SPIDR: variants seen among roughly 807,000 people sequenced by gnomAD.
SPIDR encodes the protein scaffold protein involved in DNA repair, also known as DNA repair-scaffolding protein.
A neutral mutation model predicts 104.6 loss-of-function variants in SPIDR; 93 were observed. The ratio of observed to expected loss-of-function variants is 0.89; its 90% CI spans 0.75 to 1.06. The LOEUF (loss-of-function observed/expected upper bound fraction) is 1.06, where lower values mean the gene tolerates loss of function less well. SPIDR is among the 50% of genes least tolerant of loss of function. The pLI is 0.00. For synonymous variants in SPIDR, 431 were observed against 416.9 expected (o/e 1.03, Z -0.41); for missense variants, 1,154 against 1,111.2 (o/e 1.04, Z -0.55).
At chr8:47,647,655 GGAGA>G (rs1463721076) in intron 10 of SPIDR, among the ~76,000 whole-genome samples, 5 of 50,164 alleles carry the variant, frequency 1.0e-4, no homozygotes, top group African/African-American at 3.0e-4. Flanking sequence ...AGAGAGAGAG[GGAGA>G]GAGAGAGAGG....
At chr8:47,303,498 C>G (rs2042590783) in intron 5 of SPIDR, among the ~76,000 whole-genome samples, 2 of 152,156 alleles carry the variant, frequency 1.3e-5, no homozygotes, top group African/African-American at 4.8e-5. Flanking sequence ...CCCAATACCT[C>G]AGTTGGAAAT....
Position 47,550,720 on chromosome 8 carries a change from A to G in SPIDR, c.1098-45091A>G, listed in dbSNP as rs184460542. On this transcript the variant is annotated intron_variant, in intron 8 of 19. Transcript: ENST00000297423. Reference sequence around the variant, plus strand: ...ACAATCATGGCATCTGCAAACAGGAACAATTTGACTTCCTCATTTCCTAAT... The same window carrying G: ...ACAATCATGGCATCTGCAAACAGGAGCAATTTGACTTCCTCATTTCCTAAT... Among the ~76,000 whole-genome samples the G allele has an allele frequency of 1.8e-3, 274 of 152,334 alleles. 2 individuals are homozygous for G. The highest frequency in any genetic ancestry group is 6.0e-3 in the African/African-American group (249 of 41,590).
chr8:47,401,334 A>G (rs1385565661), intron 6 of SPIDR, among the ~76,000 whole-genome samples: 1 of 152,226 alleles, frequency 6.6e-6, no homozygotes, highest in African/African-American at 2.4e-5. Flanking sequence ...TGAAGAAAGC[A>G]CTAAACATGG....
chr8:47,371,089 A>C (rs558796754), intron 5 of SPIDR, among the ~76,000 whole-genome samples: 1 of 150,440 alleles, frequency 6.6e-6, no homozygotes, highest in Non-Finnish European at 1.5e-5. Flanking sequence ...CAGCAGTGGG[A>C]CTGTTGATCA....
At position 47,440,413 on chromosome 8, in the gene SPIDR, C is replaced by A; in HGVS notation, c.968C>A (p.Ser323Ter). The A allele has an allele frequency of 6.2e-7, 1 of 1,614,190 alleles. No homozygotes were observed. Among genetic ancestry groups the A allele is most frequent in the Non-Finnish European group, 8.5e-7 (1 of 1,180,022 alleles). Residue 323 changes from serine (S) to a stop codon, truncating the protein, a stop_gained, in exon 8 of 20, where the codon TCA (serine) becomes TAA (stop). Transcript: ENST00000297423. LOFTEE classifies it high-confidence loss of function. ...GCCATGTGTGAGCAGTTATTGGGGT[C>A]ACCAGCCACCAGCTCCTCCCAAAGT... ...QVAMCEQLLG[S>*]PATSSSQSVA... is the part of the protein sequence containing the mutation.
intron 5 of SPIDR, among the ~76,000 whole-genome samples, chr8:47,302,453 T>C (rs2042268123): frequency 1.3e-5 from 2 of 152,156 alleles, no homozygotes; most frequent in African/African-American, 4.8e-5. Flanking sequence ...CTCGTCAAAG[T>C]CACTCTCCGT....
At chr8:47,534,217 C>A (rs1169537064) in intron 8 of SPIDR, among the ~76,000 whole-genome samples, 1 of 152,212 alleles carries the variant, frequency 6.6e-6, no homozygotes, top group East Asian at 1.9e-4. Flanking sequence ...AACCTCTTCT[C>A]TTCATAAATT....
intron 5 of SPIDR, among the ~76,000 whole-genome samples, chr8:47,389,788 CTGTGGTTAAGAAA>C (rs1554650548): frequency 6.7e-6 from 1 of 149,672 alleles, no homozygotes; most frequent in East Asian, 2.0e-4. Flanking sequence ...TCAGGAATAA[CTGTGGTTAAGAAA>C]TGTGGTTGAT....
intron 5 of SPIDR, among the ~76,000 whole-genome samples, chr8:47,337,964 C>A (rs1238161206): frequency 2.0e-5 from 3 of 152,130 alleles, no homozygotes; most frequent in African/African-American, 7.2e-5. Context: ...GTCAGTTTCA[C>A]CTTACCTTAA....
chr8:47,620,712 G>A (rs892585893), intron 10 of SPIDR, among the ~76,000 whole-genome samples: 45 of 151,730 alleles, frequency 3.0e-4, no homozygotes, highest in African/African-American at 9.9e-4. Flanking sequence ...CCACCTCCCG[G>A]GTTCAAACGA....
intron 16 of SPIDR, among the ~76,000 whole-genome samples, chr8:47,715,645 A>G (rs2082471414): frequency 6.6e-6 from 1 of 152,254 alleles, no homozygotes; most frequent in Admixed American, 6.5e-5. Flanking sequence ...AATGTTTTCA[A>G]GGTTCATCCA....
At chr8:47,350,830 G>A (rs1365730166) in intron 5 of SPIDR, among the ~76,000 whole-genome samples, 1 of 152,088 alleles carries the variant, frequency 6.6e-6, no homozygotes, top group Non-Finnish European at 1.5e-5. Flanking sequence ...TCCACAGTTT[G>A]GTTTTCTGAG....
At chr8:47,613,369 A>G (rs1156461265) in intron 10 of SPIDR, among the ~76,000 whole-genome samples, 1 of 152,192 alleles carries the variant, frequency 6.6e-6, no homozygotes, top group Non-Finnish European at 1.5e-5. Context: ...TGTTGTATAG[A>G]TATATCACAT....
intron 5 of SPIDR, among the ~76,000 whole-genome samples, chr8:47,297,554 C>T (rs1323545791): frequency 2.0e-5 from 3 of 151,860 alleles, no homozygotes; most frequent in Admixed American, 1.3e-4. Context: ...TGTGCTGCAC[C>T]CATTAACTCG....
In SPIDR at chr8:47,660,950, G is replaced by T. The variant is rs147266386; in HGVS notation, c.1545-12851G>T. 116 of 985,424 alleles carry T rather than the reference G, an allele frequency of 1.2e-4. No individual in the cohort carries two copies. In the Middle Eastern group the frequency reaches 4.7e-3, roughly 40 times the overall value. 61.0% of individuals were successfully genotyped at this position (985,424 alleles called of 1,614,324 possible). Reference sequence around the variant, plus strand: ...AAACCAAGATTTTGAGCACAGAAGAGATGCAGGCACTTAACTGGGTGTGAA... The same window carrying T: ...AAACCAAGATTTTGAGCACAGAAGATATGCAGGCACTTAACTGGGTGTGAA... On this transcript the variant is annotated intron_variant, in intron 10 of 19. Transcript: ENST00000297423.
rs548433124 is a variant in SPIDR, at chr8:47,515,764, C to CATTT, written c.1097+75223_1097+75226dup. On this transcript the variant is annotated intron_variant, in intron 8 of 19. Transcript: ENST00000297423. ...ATTGCTCTTCCTTGAGGCAGAAATACATTTCCTCTGTAAGCTTTTGTGTGT... is the reference window on the plus strand; with the variant it reads ...ATTGCTCTTCCTTGAGGCAGAAATACATTTATTTCCTCTGTAAGCTTTTGTGTGT... Among the ~76,000 whole-genome samples, 93 of 152,338 alleles carry CATTT rather than the reference C, an allele frequency of 6.1e-4. No individual in the cohort carries two copies. In the East Asian group the frequency reaches 0.013, roughly 21 times the overall value.
At chr8:47,481,657 G>A (rs1299869569) in intron 8 of SPIDR, among the ~76,000 whole-genome samples, 1 of 152,112 alleles carries the variant, frequency 6.6e-6, no homozygotes, top group South Asian at 2.1e-4. Flanking sequence ...AATGACTATG[G>A]ACAGAATGAA....
chr8:47,432,016 G>A (rs1554689645), intron 7 of SPIDR, among the ~76,000 whole-genome samples: 1 of 152,122 alleles, frequency 6.6e-6, no homozygotes. Context: ...AGTTATCTGT[G>A]AAATGAATCG....
intron 16 of SPIDR, among the ~76,000 whole-genome samples, chr8:47,716,951 C>G (rs1274617405): frequency 6.6e-6 from 1 of 152,052 alleles, no homozygotes; most frequent in African/African-American, 2.4e-5. Context: ...TTCTGCAGCC[C>G]CAGAGACTGT....
Sources: allele counts gnomAD v4.1 joint callset (sites outside exome capture counted in the v4.1 genomes callset), GRCh38; gene constraint gnomAD v4.1.1; transcripts MANE v1.5; gene names NCBI Gene and HGNC (gene_info 2026-07-23, HGNC 2026-07-21).